The following TLN2 variants were observed in gnomAD, a reference collection of about 807,000 sequenced individuals.
TLN2 encodes the protein talin-2.
TLN2 carries 118 observed loss-of-function variants against 294.7 expected under a neutral mutation model. That is an observed-to-expected ratio of 0.40 (90% CI 0.34 to 0.47). The LOEUF (loss-of-function observed/expected upper bound fraction) is 0.47, where lower values mean the gene tolerates loss of function less well. Ranked by LOEUF, TLN2 falls within the 20% of genes least tolerant of loss-of-function variation. The pLI, the probability that TLN2 is intolerant of heterozygous loss-of-function variation, is 0.84. For missense variants in TLN2, 3,083 were observed against 3,282.2 expected (o/e 0.94, Z 1.48); for synonymous variants, 1,431 against 1,304.5 (o/e 1.10, Z -2.09).
rs188189148 is a variant in TLN2 at position 62,726,090 on chromosome 15, C to T, written c.3255+986C>T. Among the ~76,000 whole-genome samples the T allele has an allele frequency of 3.8e-3, 524 of 137,558 alleles. 3 individuals carry two copies. Among genetic ancestry groups the T allele is most frequent in the African/African-American group, 4.6e-3 (167 of 36,680 alleles). The allele number at this position is 137,558 out of a possible 152,430, so 90.2% of individuals were successfully genotyped here. Reference sequence around the variant, plus strand: ...GGGCCCACAGCTTTGCAAAGTGGTCCGGAAGTCTCTTTGCAAAGTTCTATA... The same window carrying T: ...GGGCCCACAGCTTTGCAAAGTGGTCTGGAAGTCTCTTTGCAAAGTTCTATA... On this transcript the variant is annotated intron_variant, in intron 27 of 58. Transcript: ENST00000636159.
chr15:62,820,194 A>T (rs1217893115), intron 53 of TLN2, among the ~76,000 whole-genome samples: 2 of 152,200 alleles, frequency 1.3e-5, no homozygotes, highest in Admixed American at 1.3e-4. Context: ...CTTTAAGTTC[A>T]AAGTCAGAGC....
chr15:62,785,308 A>G (rs1280527250), intron 45 of TLN2, among the ~76,000 whole-genome samples: 2 of 152,194 alleles, frequency 1.3e-5, no homozygotes, highest in Admixed American at 6.5e-5. Flanking sequence ...CTAACCTATA[A>G]TTTTGAACTC....
intron 37 of TLN2, among the ~76,000 whole-genome samples, chr15:62,756,890 A>G (rs1253726404): frequency 7.2e-6 from 1 of 138,950 alleles, no homozygotes; most frequent in African/African-American, 2.6e-5. Context: ...GTTTAAACAA[A>G]GAGTCTTTTT....
At chr15:62,668,469 G>A (rs2054993512) in intron 9 of TLN2, among the ~76,000 whole-genome samples, 1 of 152,132 alleles carries the variant, frequency 6.6e-6, no homozygotes, top group Non-Finnish European at 1.5e-5. Flanking sequence ...GATTCCACTG[G>A]CTTCTGGGCA....
intron 10 of TLN2, among the ~76,000 whole-genome samples, chr15:62,674,832 C>G (rs1271579842): frequency 6.6e-6 from 1 of 152,152 alleles, no homozygotes; most frequent in Non-Finnish European, 1.5e-5. Flanking sequence ...TAGAATGACA[C>G]CTCTCCTGAT....
In TLN2 at chr15:62,458,928, A is replaced by T. The variant is rs149190163; in HGVS notation, c.-238+68243A>T. Among the ~76,000 whole-genome samples the T allele has an allele frequency of 6.6e-5, 10 of 152,188 alleles. No homozygotes were observed. The East Asian group carries it at 1.9e-3, about 29-fold the overall frequency. On this transcript the variant is annotated intron_variant, in intron 1 of 58. Coordinates refer to ENST00000636159, the MANE Select transcript of TLN2 (RefSeq NM_015059.3). ...GAAGACCTAAGGAGGGGAGGCTATT[A>T]GTGGCTAAACCTCTATTTAGGGGTC...
chr15:62,737,042 C>G lies in TLN2; in HGVS notation c.3523C>G (p.Leu1175Val), dbSNP rs774148194. ...GCTCATTCAAGAGGCCAAGCAGGCCCTGATTGCACCTGGAGATGCAGAGCG... is the reference window on the plus strand; with the variant it reads ...GCTCATTCAAGAGGCCAAGCAGGCCGTGATTGCACCTGGAGATGCAGAGCG... ...AMLIQEAKQA[L>V]IAPGDAERQQ... The change falls in exon 29 of 59, where the codon CTG (leucine) becomes GTG (valine). Residue 1175 changes from leucine (L) to valine (V), a missense_variant. By Grantham distance (32) the Leu-to-Val change is conservative. Transcript: ENST00000636159. The G allele has an allele frequency of 1.2e-6, 2 of 1,614,114 alleles. No homozygotes were observed. Among genetic ancestry groups the G allele is most frequent in the Non-Finnish European group, 8.5e-7 (1 of 1,180,058 alleles).
At chr15:62,503,375 T>C (rs549400123) in intron 1 of TLN2, among the ~76,000 whole-genome samples, 2 of 152,302 alleles carry the variant, frequency 1.3e-5, no homozygotes, top group African/African-American at 4.8e-5. Context: ...GTGTGTGCTG[T>C]GTAATTATTC....
intron 1 of TLN2, among the ~76,000 whole-genome samples, chr15:62,566,903 C>G (rs868119123): frequency 6.6e-6 from 1 of 151,792 alleles, no homozygotes; most frequent in African/African-American, 2.4e-5. Context: ...CATTGTAACC[C>G]TTATTTCTTA....
chr15:62,415,241 A>T (rs894472304), intron 1 of TLN2, among the ~76,000 whole-genome samples: 1 of 141,456 alleles, frequency 7.1e-6, no homozygotes, highest in Non-Finnish European at 1.5e-5. Flanking sequence ...TTAGGGACAG[A>T]GATGGACAGA....
At chr15:62,648,366 C>G (rs1432791447) in intron 4 of TLN2, among the ~76,000 whole-genome samples, 1 of 130,270 alleles carries the variant, frequency 7.7e-6, no homozygotes, top group Non-Finnish European at 1.5e-5. Flanking sequence ...GATCCAGCCA[C>G]TGCACTCCAG....
intron 32 of TLN2, among the ~76,000 whole-genome samples, chr15:62,744,426 TA>T (rs1370337134): frequency 6.5e-4 from 74 of 114,624 alleles, no homozygotes; most frequent in African/African-American, 2.3e-3. Flanking sequence ...TTTTTTTTTT[TA>T]AAGAGAGGCA....
At chr15:62,544,861 A>C (rs1225702542) in intron 1 of TLN2, among the ~76,000 whole-genome samples, 1 of 151,852 alleles carries the variant, frequency 6.6e-6, no homozygotes, top group East Asian at 1.9e-4. Flanking sequence ...TTTCCTTATC[A>C]ATGCTAGTGG....
At chr15:62,579,079 G>A (rs1233146457) in intron 1 of TLN2, among the ~76,000 whole-genome samples, 3 of 152,168 alleles carry the variant, frequency 2.0e-5, no homozygotes, top group Non-Finnish European at 2.9e-5. Flanking sequence ...GCCTTGGGTT[G>A]ACAGGAGGAG....
chr15:62,500,229 T>C (rs2039236022), intron 1 of TLN2, among the ~76,000 whole-genome samples: 1 of 152,110 alleles, frequency 6.6e-6, no homozygotes, highest in South Asian at 2.1e-4. Context: ...TCCCAGCTAC[T>C]CAGGAGGCTG....
At chr15:62,580,484 C>G (rs1206980542) in intron 1 of TLN2, among the ~76,000 whole-genome samples, 1 of 148,108 alleles carries the variant, frequency 6.8e-6, no homozygotes, top group African/African-American at 2.5e-5. Context: ...GATCTAGGCA[C>G]AGTGCAGCCT....
chr15:62,837,017 A>ATACTTTGGACATT (rs1480592531), intron 57 of TLN2, among the ~76,000 whole-genome samples: 77 of 152,306 alleles, frequency 5.1e-4, no homozygotes, highest in African/African-American at 1.7e-3. Flanking sequence ...GAATTTCCCT[A>ATACTTTGGACATT]TACTTTGGAC....
chr15:62,781,691 C>A (rs547404809), intron 44 of TLN2, among the ~76,000 whole-genome samples: 1 of 151,992 alleles, frequency 6.6e-6, no homozygotes, highest in Admixed American at 6.6e-5. Flanking sequence ...AGTTATAATA[C>A]TTGGAAAATA....
chr15:62,547,276 G>A (rs1229239566), intron 1 of TLN2, among the ~76,000 whole-genome samples: 1 of 152,170 alleles, frequency 6.6e-6, no homozygotes, highest in Non-Finnish European at 1.5e-5. Context: ...AAATCCTTGT[G>A]CAGATAAGGG....
Sources: gnomAD v4.1 joint callset for allele counts (sites outside exome capture counted in the v4.1 genomes callset) on GRCh38, gnomAD v4.1.1 for gene constraint, MANE v1.5 for transcripts, NCBI Gene and HGNC (gene_info 2026-07-23, HGNC 2026-07-21) for gene names.